GRM1: variants seen among roughly 807,000 people sequenced by gnomAD.
GRM1 encodes the protein metabotropic glutamate receptor 1.
A neutral mutation model predicts 90.9 loss-of-function variants in GRM1; 33 were observed. That is an observed-to-expected ratio of 0.36 (90% CI 0.28 to 0.49). The LOEUF (loss-of-function observed/expected upper bound fraction) is 0.49. GRM1 is among the 20% of genes least tolerant of loss of function. The pLI is 0.99. For missense variants in GRM1, 1,190 were observed against 1,534.3 expected (o/e 0.78, Z 3.75); for synonymous variants, 700 against 613.2 (o/e 1.14, Z -2.09).
chr6:146,214,823 G>C (rs1311674312), intron 2 of GRM1, among the ~76,000 whole-genome samples: 3 of 152,172 alleles, frequency 2.0e-5, no homozygotes, highest in Non-Finnish European at 4.4e-5. Context: ...ATGAAGTTCA[G>C]TGAGGAATGG....
At chr6:146,198,619 G>C (rs1375212867) in intron 2 of GRM1, among the ~76,000 whole-genome samples, 1 of 152,144 alleles carries the variant, frequency 6.6e-6, no homozygotes, top group Non-Finnish European at 1.5e-5. Context: ...ATGGACCTGA[G>C]ATGAGACTTA....
At chr6:146,175,957 A>G (rs1214193035) in intron 2 of GRM1, among the ~76,000 whole-genome samples, 1 of 152,134 alleles carries the variant, frequency 6.6e-6, no homozygotes, top group Non-Finnish European at 1.5e-5. Context: ...CTCTTTCCTC[A>G]CTTTAAAAGA....
intron 2 of GRM1, among the ~76,000 whole-genome samples, chr6:146,251,714 T>C (rs1781285365): frequency 1.3e-5 from 2 of 152,196 alleles, no homozygotes; most frequent in African/African-American, 4.8e-5. Context: ...ATAAATCAAC[T>C]CCAACCATAT....
At chr6:146,102,906 A>G (rs1252289449) in intron 1 of GRM1, among the ~76,000 whole-genome samples, 1 of 152,214 alleles carries the variant, frequency 6.6e-6, no homozygotes, top group Non-Finnish European at 1.5e-5. Context: ...ATGTTCACAA[A>G]AGTGTGGCTG....
At chr6:146,155,168 C>CT (rs1562497072) in intron 1 of GRM1, among the ~76,000 whole-genome samples, 3 of 152,150 alleles carry the variant, frequency 2.0e-5, no homozygotes, top group Admixed American at 6.5e-5. Context: ...ATAAAGCAAT[C>CT]AGTAATATGT....
At chr6:146,067,898 A>G (rs1775900330) in intron 1 of GRM1, among the ~76,000 whole-genome samples, 1 of 152,214 alleles carries the variant, frequency 6.6e-6, no homozygotes, top group East Asian at 1.9e-4. Context: ...TAGAATTCTC[A>G]TAATAGAGAA....
intron 1 of GRM1, among the ~76,000 whole-genome samples, chr6:146,153,954 G>C (rs551300004): frequency 6.6e-6 from 1 of 152,244 alleles, no homozygotes; most frequent in South Asian, 2.1e-4. Context: ...AGTAACCTAA[G>C]AATCAGGACA....
chr6:146,399,623 G>A lies in GRM1; in HGVS notation c.2584G>A (p.Asp862Asn), dbSNP rs1478519321. The A allele has an allele frequency of 3.1e-6, 5 of 1,613,988 alleles. 1 individual carries two copies. The highest frequency in any genetic ancestry group is 3.3e-4 in the Middle Eastern group (2 of 6,056). The stretch of plus-strand genomic sequence containing the variant: ...TGATGTTGTCCGCATGCATGTTGGC[G>A]ATGGCAAGCTGCCCTGCCGCTCCAA... ...TSDVVRMHVGDGKLPCRSNTF... is the reference protein window; with the variant it reads ...TSDVVRMHVGNGKLPCRSNTF... The change falls in exon 7 of 8, where the codon GAT (aspartate) becomes AAT (asparagine). Residue 862 changes from aspartate (D) to asparagine (N), a missense_variant. By Grantham distance (23) the Asp-to-Asn change is conservative. Coordinates refer to ENST00000282753, the MANE Select transcript of GRM1 (RefSeq NM_001278064.2). This position sits in a 1 kb window ranked among gnomAD's most constrained non-coding sequence, Gnocchi z 5.4.
At chr6:146,302,566 T>G (rs781656308) in intron 2 of GRM1, among the ~76,000 whole-genome samples, 42 of 151,782 alleles carry the variant, frequency 2.8e-4, no homozygotes, top group African/African-American at 6.5e-4. Context: ...TTTATTTATT[T>G]ATTTTGTAGA....
chr6:146,162,354 C>T (rs1206916054), intron 2 of GRM1, among the ~76,000 whole-genome samples: 2 of 152,148 alleles, frequency 1.3e-5, no homozygotes, highest in Non-Finnish European at 2.9e-5. Context: ...TACATGCCCT[C>T]GTCTCCATGT....
chr6:146,397,473 C>CAAAAAA lies in GRM1; in HGVS notation c.1730-1291_1730-1286dup, dbSNP rs1195779695. Among the ~76,000 whole-genome samples, 119 of 16,762 alleles carry CAAAAAA rather than the reference C, an allele frequency of 7.1e-3. 11 individuals are homozygous for CAAAAAA. The highest frequency in any genetic ancestry group is 0.024 in the African/African-American group (109 of 4,574). The allele number at this position is 16,762 out of a possible 152,430, so 11.0% of individuals were successfully genotyped here. A position where few individuals can be genotyped will look rare whatever the true frequency, so the allele number is the denominator to read the frequency against. Reference sequence around the variant, plus strand: ...TGGGCAACAGAGTGAGACCCCGTCTCAAAAAAAAAAGAAAAAAAAAAAAAA... The same window carrying CAAAAAA: ...TGGGCAACAGAGTGAGACCCCGTCTCAAAAAAAAAAAAAAAAGAAAAAAAAAAAAAA... On this transcript the variant is annotated intron_variant, in intron 6 of 7. Coordinates refer to ENST00000282753, the MANE Select transcript of GRM1 (RefSeq NM_001278064.2).
chr6:146,322,682 A>G (rs1241293713), intron 3 of GRM1, among the ~76,000 whole-genome samples: 1 of 151,748 alleles, frequency 6.6e-6, no homozygotes, highest in South Asian at 2.1e-4. Flanking sequence ...TACATGTGCC[A>G]TGTTGGTGTG....
At position 146,437,164 on chromosome 6, in the gene GRM1, A is replaced by T. The variant is rs926573458; in HGVS notation, c.*2368A>T. ...AAGCATATGATCTCTTTATTAGTGA[A>T]TCATGCTTATTTTTTACTCTTAATG... On this transcript the variant is annotated 3_prime_UTR_variant, in exon 8 of 8. Coordinates refer to ENST00000282753, the MANE Select transcript of GRM1 (RefSeq NM_001278064.2). 6.6e-6 allele frequency: 1 copy of T among 152,192 alleles called. No individual in the cohort carries two copies. The highest frequency in any genetic ancestry group is 2.4e-5 in the African/African-American group (1 of 41,450). The allele number at this position is 152,192 out of a possible 1,614,324, so 9.4% of individuals were successfully genotyped here. A position where few individuals can be genotyped will look rare whatever the true frequency, so the allele number is the denominator to read the frequency against.
chr6:146,422,310 A>C (rs1050189985), intron 7 of GRM1, among the ~76,000 whole-genome samples: 2 of 152,204 alleles, frequency 1.3e-5, no homozygotes, highest in Non-Finnish European at 2.9e-5. Flanking sequence ...TTCTACTGGA[A>C]GTTATTGACA....
chr6:146,068,301 G>A (rs533457527), intron 1 of GRM1, among the ~76,000 whole-genome samples: 1 of 152,134 alleles, frequency 6.6e-6, no homozygotes, highest in South Asian at 2.1e-4. Context: ...TTTTAGTAGA[G>A]ACGGGTTTTC....
At chr6:146,161,577 T>C (rs1777728898) in intron 2 of GRM1, among the ~76,000 whole-genome samples, 1 of 152,146 alleles carries the variant, frequency 6.6e-6, no homozygotes, top group Non-Finnish European at 1.5e-5. Context: ...GGATTCCACA[T>C]ATCCGAGGGA....
intron 1 of GRM1, among the ~76,000 whole-genome samples, chr6:146,079,443 C>A (rs908833712): frequency 2.6e-5 from 4 of 152,110 alleles, no homozygotes; most frequent in Non-Finnish European, 4.4e-5. Context: ...AATTTATCTT[C>A]TTTATTGGAG....
At chr6:146,172,154 A>G (rs1465421750) in intron 2 of GRM1, among the ~76,000 whole-genome samples, 3 of 152,168 alleles carry the variant, frequency 2.0e-5, no homozygotes, top group Non-Finnish European at 1.5e-5. Context: ...TCACTGGGCT[A>G]AAATTAAGAT....
intron 1 of GRM1, among the ~76,000 whole-genome samples, chr6:146,103,290 T>A (rs1446070475): frequency 6.6e-6 from 1 of 152,150 alleles, no homozygotes; most frequent in Non-Finnish European, 1.5e-5. Context: ...AGGGACACCA[T>A]GATGTGTAGT....
Sources: gnomAD v4.1 joint callset for allele counts (sites outside exome capture counted in the v4.1 genomes callset) on GRCh38, gnomAD v4.1.1 for gene constraint, Gnocchi (gnomAD v3.1) non-coding constraint, MANE v1.5 for transcripts, NCBI Gene and HGNC (gene_info 2026-07-23, HGNC 2026-07-21) for gene names.